CCDC171: variants seen among roughly 807,000 people sequenced by gnomAD.
CCDC171 encodes coiled-coil domain-containing protein 171.
CCDC171 carries 177 observed loss-of-function variants against 168.2 expected under a neutral mutation model. The observed-to-expected ratio is 1.05, with a 90% confidence interval of 0.93 to 1.19. The LOEUF (loss-of-function observed/expected upper bound fraction) is 1.19. Among genes scored for constraint, CCDC171 ranks in the 50% most tolerant of loss-of-function variants. The pLI, the probability that CCDC171 is intolerant of heterozygous loss-of-function variation, is 0.00. For synonymous variants in CCDC171, 687 were observed against 540.8 expected (o/e 1.27, Z -3.75); for missense variants, 1,991 against 1,539.0 (o/e 1.29, Z -4.91).
intron 1 of CCDC171, among the ~76,000 whole-genome samples, chr9:15,563,167 T>C (rs1172950007): frequency 6.6e-6 from 1 of 151,540 alleles, no homozygotes; most frequent in Non-Finnish European, 1.5e-5. Context: ...ACACGGAGTT[T>C]CTCTCTTGTT....
At chr9:15,895,594 A>G (rs1820799041) in intron 24 of CCDC171, among the ~76,000 whole-genome samples, 2 of 152,098 alleles carry the variant, frequency 1.3e-5, no homozygotes, top group African/African-American at 4.8e-5. Context: ...AATAATCTTC[A>G]TTGTAAAACT....
At chr9:15,750,128 A>G (rs978563630) in intron 18 of CCDC171, among the ~76,000 whole-genome samples, 1 of 152,150 alleles carries the variant, frequency 6.6e-6, no homozygotes, top group Non-Finnish European at 1.5e-5. Context: ...AAAAAATGAC[A>G]AAGGGGATAT....
chr9:15,699,020 T>G, intron 11 of CCDC171, among the ~76,000 whole-genome samples: 1 of 152,250 alleles, frequency 6.6e-6, no homozygotes, highest in East Asian at 1.9e-4. Context: ...GATCATATTG[T>G]GTCCGGAATT....
At chr9:15,729,327 C>T (rs1162382342) in intron 15 of CCDC171, among the ~76,000 whole-genome samples, 3 of 152,052 alleles carry the variant, frequency 2.0e-5, no homozygotes, top group African/African-American at 7.2e-5. Context: ...GTATCTTTCT[C>T]AATCTCAATC....
chr9:15,623,075 C>G (rs1483734271), intron 6 of CCDC171, among the ~76,000 whole-genome samples, 192 bp from the exon 7 acceptor site: 6 of 152,098 alleles, frequency 3.9e-5, no homozygotes, highest in Non-Finnish European at 7.4e-5. Context: ...TCTAAAACTT[C>G]AGTATTGCTT....
At chr9:15,966,580 G>A (rs143082604) in intron 25 of CCDC171, among the ~76,000 whole-genome samples, 11 of 152,288 alleles carry the variant, frequency 7.2e-5, no homozygotes, top group African/African-American at 2.6e-4. Flanking sequence ...CAGGTTTCTT[G>A]TTAATATATT....
chr9:15,658,156 A>T (rs1188669589), intron 8 of CCDC171, among the ~76,000 whole-genome samples: 2 of 152,216 alleles, frequency 1.3e-5, no homozygotes, highest in African/African-American at 2.4e-5. Flanking sequence ...TTTGAGGAAT[A>T]CTTGCAGTGT....
chr9:15,770,590 A>G (rs2056963019), intron 18 of CCDC171, among the ~76,000 whole-genome samples: 1 of 152,172 alleles, frequency 6.6e-6, no homozygotes. Context: ...GCATTTGTAT[A>G]ATAATAAATA....
intron 6 of CCDC171, among the ~76,000 whole-genome samples, chr9:15,620,160 C>T (rs971299642): frequency 1.3e-5 from 2 of 152,194 alleles, no homozygotes; most frequent in African/African-American, 4.8e-5. Flanking sequence ...GCAGCACATG[C>T]ATCAATGAAG....
At chr9:15,762,533 T>A (rs1357238613) in intron 18 of CCDC171, among the ~76,000 whole-genome samples, 2 of 152,130 alleles carry the variant, frequency 1.3e-5, no homozygotes, top group East Asian at 3.9e-4. Context: ...ATACAAATGT[T>A]CCTTAGGCTA....
intron 18 of CCDC171, among the ~76,000 whole-genome samples, chr9:15,752,072 A>G (rs191516313): frequency 3.2e-4 from 49 of 152,314 alleles, no homozygotes; most frequent in Non-Finnish European, 6.3e-4. Context: ...AGAAAAAAAC[A>G]ACCCCATCAA....
At chr9:15,845,901 T>C (rs1430122600) in intron 21 of CCDC171, among the ~76,000 whole-genome samples, 2 of 152,140 alleles carry the variant, frequency 1.3e-5, no homozygotes, top group African/African-American at 2.4e-5. Flanking sequence ...CTTCTGATTC[T>C]AAGCCTTCAG....
At chr9:16,057,886 C>G (rs911589504) in intron 1 of CCDC171, among the ~76,000 whole-genome samples, 3 of 152,156 alleles carry the variant, frequency 2.0e-5, no homozygotes, top group Admixed American at 6.5e-5. Context: ...CCTCTATGCC[C>G]TTGTCTGGGT....
At position 15,821,999 on chromosome 9, in the gene CCDC171, A is replaced by G. The variant is rs965404986; in HGVS notation, c.3268-24703A>G. ...ACCAAAACAGAGATATAGACCCCGG[A>G]ACACAACAGAGCCCTCAGAAATAAT... On this transcript the variant is annotated intron_variant, in intron 21 of 25. Transcript: ENST00000380701. Among the ~76,000 whole-genome samples, 113 of 152,284 alleles carry G rather than the reference A, an allele frequency of 7.4e-4. 2 individuals are homozygous for G. Among genetic ancestry groups the G allele is most frequent in the African/African-American group, 2.5e-3 (105 of 41,548 alleles).
chr9:15,625,414 T>TA lies in CCDC171; in HGVS notation c.822+2001_822+2002insA, dbSNP rs572540270. On this transcript the variant is annotated intron_variant, in intron 7 of 25. Coordinates refer to ENST00000380701, the MANE Select transcript of CCDC171 (RefSeq NM_173550.4). ...CCCATGCCTATGTCCTGAATGGTAT[T>TA]GCCTAGCTTTTCTTCTAGGGTTTTT... Among the ~76,000 whole-genome samples, 713 of 152,314 alleles carry TA rather than the reference T, an allele frequency of 4.7e-3. 7 individuals are homozygous for TA. The highest frequency in any genetic ancestry group is 0.016 in the African/African-American group (677 of 41,568).
At chr9:15,975,620 C>T (rs760309045), downstream of CCDC171, among the ~76,000 whole-genome samples, 3 of 152,180 alleles carry the variant, frequency 2.0e-5, no homozygotes, top group African/African-American at 7.2e-5. Flanking sequence ...AGCAGAGTCT[C>T]TGTTGAGAGG....
chr9:15,839,812 G>A (rs2060599702), intron 21 of CCDC171, among the ~76,000 whole-genome samples: 1 of 152,044 alleles, frequency 6.6e-6, no homozygotes, highest in African/African-American at 2.4e-5. Flanking sequence ...TTCCCCCATG[G>A]ACATACTTCT....
At chr9:15,635,477 T>G (rs925658256) in intron 7 of CCDC171, among the ~76,000 whole-genome samples, 1 of 152,148 alleles carries the variant, frequency 6.6e-6, no homozygotes, top group Non-Finnish European at 1.5e-5. Context: ...CAGAGAAAGA[T>G]GAAGGCTGGA....
chr9:15,648,098 C>G (rs180783156), intron 7 of CCDC171, among the ~76,000 whole-genome samples: 1 of 152,150 alleles, frequency 6.6e-6, no homozygotes, highest in Non-Finnish European at 1.5e-5. Context: ...TCAACATACG[C>G]AAATCAATAA....
Sources: gnomAD v4.1 joint callset for allele counts (sites outside exome capture counted in the v4.1 genomes callset) on GRCh38, gnomAD v4.1.1 for gene constraint, MANE v1.5 for transcripts, NCBI Gene and HGNC (gene_info 2026-07-23, HGNC 2026-07-21) for gene names.